Variants in NFKB1 observed in about 807,000 individuals in gnomAD.
The protein encoded by NFKB1 is nuclear factor NF-kappa-B p105 subunit.
In NFKB1, 9 loss-of-function variants were observed where a neutral mutation model predicts 105.1. The observed-to-expected ratio is 0.09, with a 90% CI of 0.05 to 0.15. The LOEUF (loss-of-function observed/expected upper bound fraction) is 0.15. NFKB1 is among the 10% of genes least tolerant of loss of function. The pLI, the probability that NFKB1 is intolerant of heterozygous loss-of-function variation, is 1.00. For synonymous variants in NFKB1, 440 were observed against 442.2 expected (o/e 1.00, Z 0.06); for missense variants, 830 against 1,203.7 (o/e 0.69, Z 4.59).
At chr4:102,585,976 G>A (rs1303544701) in intron 11 of NFKB1, among the ~76,000 whole-genome samples, 1 of 152,202 alleles carries the variant, frequency 6.6e-6, no homozygotes, top group African/African-American at 2.4e-5. Flanking sequence ...AAAGAGGGCT[G>A]TGAATGGCAG....
intron 5 of NFKB1, among the ~76,000 whole-genome samples, chr4:102,547,393 T>G (rs111281020): frequency 6.6e-6 from 1 of 152,258 alleles, no homozygotes; most frequent in African/African-American, 2.4e-5. Context: ...GGCTCTACAT[T>G]TACAGTTTCT....
intron 16 of NFKB1, among the ~76,000 whole-genome samples, chr4:102,604,786 C>A (rs1234209975): frequency 9.2e-5 from 14 of 151,928 alleles, no homozygotes; most frequent in South Asian, 4.2e-4. Context: ...AGAATTTCAC[C>A]CAGATACATC....
At chr4:102,505,775 A>G (rs551233157) in intron 1 of NFKB1, among the ~76,000 whole-genome samples, 58 of 152,198 alleles carry the variant, frequency 3.8e-4, no homozygotes, top group Non-Finnish European at 2.9e-4. Flanking sequence ...TATCTAATCA[A>G]TACTGACGAA....
chr4:102,563,018 A>G (rs372987154), intron 5 of NFKB1, among the ~76,000 whole-genome samples: 1 of 152,232 alleles, frequency 6.6e-6, no homozygotes, highest in Non-Finnish European at 1.5e-5. Context: ...CCCAAAGAGC[A>G]AAGTGGACAT....
At chr4:102,565,233 T>C (rs772890639) in intron 5 of NFKB1, among the ~76,000 whole-genome samples, 5 of 152,168 alleles carry the variant, frequency 3.3e-5, no homozygotes, top group Non-Finnish European at 5.9e-5. Context: ...TCTTCGTGAT[T>C]GGCTTGCTCT....
At chr4:102,548,770 T>G (rs1722334409) in intron 5 of NFKB1, among the ~76,000 whole-genome samples, 2 of 152,152 alleles carry the variant, frequency 1.3e-5, no homozygotes, top group South Asian at 4.1e-4. Context: ...ATCATTCCAA[T>G]TTCTGTCTCC....
chr4:102,546,069 CAT>C (rs1270874479), intron 5 of NFKB1, among the ~76,000 whole-genome samples: 6 of 151,916 alleles, frequency 3.9e-5, no homozygotes, highest in Non-Finnish European at 5.9e-5. Context: ...GCATGGGCAA[CAT>C]AGTGAGACCC....
intron 22 of NFKB1, among the ~76,000 whole-genome samples, 154 bp from the exon 23 acceptor site, chr4:102,613,270 AT>A (rs1311370510): frequency 6.6e-6 from 1 of 151,908 alleles, no homozygotes; most frequent in Non-Finnish European, 1.5e-5. Context: ...CGAAGACTGT[AT>A]TTTCTTAGTC....
intron 1 of NFKB1, among the ~76,000 whole-genome samples, chr4:102,510,443 A>G (rs1739704348): frequency 6.6e-6 from 1 of 152,218 alleles, no homozygotes; most frequent in South Asian, 2.1e-4. Flanking sequence ...TGACAAAATG[A>G]GCATCTCTCT....
intron 22 of NFKB1, 68 bp downstream of exon 22, chr4:102,612,674 G>A: frequency 1.4e-6 from 2 of 1,399,650 alleles, no homozygotes; most frequent in Non-Finnish European, 2.0e-6. Context: ...TCTGGCCAGG[G>A]CATAATCTCC....
chr4:102,567,219 A>AT, intron 6 of NFKB1, 84 bp downstream of exon 6: 1 of 1,424,178 alleles, frequency 7.0e-7, no homozygotes, highest in Non-Finnish European at 9.7e-7. Context: ...GGCCCCTTTC[A>AT]TTAGGGACCT....
chr4:102,561,471 G>A (rs1049025704), intron 5 of NFKB1, among the ~76,000 whole-genome samples: 1 of 152,004 alleles, frequency 6.6e-6, no homozygotes, highest in African/African-American at 2.4e-5. Flanking sequence ...AACAAACAAG[G>A]TGTTTAGGAA....
chr4:102,502,494 A>T (rs1739152481), intron 1 of NFKB1, among the ~76,000 whole-genome samples: 1 of 151,890 alleles, frequency 6.6e-6, no homozygotes, highest in Admixed American at 6.6e-5. Flanking sequence ...AGAGAAAATA[A>T]ATTACCTACC....
At chr4:102,525,661 A>G (rs1354773607) in intron 2 of NFKB1, 104 bp downstream of exon 2, 1 of 1,068,578 alleles carries the variant, frequency 9.4e-7, no homozygotes, top group Non-Finnish European at 1.4e-6. Flanking sequence ...TTCTAAAATT[A>G]GTAAATTTTT....
intron 6 of NFKB1, among the ~76,000 whole-genome samples, chr4:102,575,484 C>T (rs1239818898): frequency 6.6e-6 from 1 of 152,180 alleles, no homozygotes; most frequent in Non-Finnish European, 1.5e-5. Flanking sequence ...AGAGATCTGG[C>T]CCCCTGCTTA....
At chr4:102,506,566 T>A (rs1004451916) in intron 1 of NFKB1, among the ~76,000 whole-genome samples, 4 of 152,222 alleles carry the variant, frequency 2.6e-5, no homozygotes, top group African/African-American at 9.6e-5. Context: ...TTTTCAGTTG[T>A]AGCATTTTTT....
chr4:102,505,190 A>G (rs1739347654), intron 1 of NFKB1, among the ~76,000 whole-genome samples: 1 of 152,188 alleles, frequency 6.6e-6, no homozygotes, highest in Non-Finnish European at 1.5e-5. Context: ...AGTTGTGCAA[A>G]TTGCATTGCT....
At chr4:102,540,115 G>C (rs920768211) in intron 5 of NFKB1, among the ~76,000 whole-genome samples, 5 of 152,158 alleles carry the variant, frequency 3.3e-5, no homozygotes, top group Admixed American at 6.5e-5. Context: ...AATGACTGAA[G>C]AATTAACTTT....
chr4:102,612,190 A>G lies in NFKB1; in HGVS notation c.2419+80A>G, dbSNP rs901163380. ...TTAAAGGGAGGAACCAGCATTATCC[A>G]GGGTCTACTGTTAAAAGTTCTTATT... On this transcript the variant is annotated intron_variant, in intron 21 of 23. Coordinates refer to ENST00000226574, the MANE Select transcript of NFKB1 (RefSeq NM_003998.4). 2.3e-6 allele frequency: 3 copies of G among 1,314,186 alleles called. No individual in the cohort carries two copies. In the African/African-American group the frequency reaches 4.4e-5, roughly 19 times the overall value. 81.4% of individuals were successfully genotyped at this position (1,314,186 alleles called of 1,614,324 possible). A position where few individuals can be genotyped will look rare whatever the true frequency, so the allele number is the denominator to read the frequency against.
Sources: allele counts gnomAD v4.1 joint callset (sites outside exome capture counted in the v4.1 genomes callset), GRCh38; gene constraint gnomAD v4.1.1; transcripts MANE v1.5; gene names NCBI Gene and HGNC (gene_info 2026-07-23, HGNC 2026-07-21).